Variants in PGF observed in about 807,000 individuals in gnomAD.
PGF encodes the protein placenta growth factor.
A neutral mutation model predicts 25.3 loss-of-function variants in PGF; 11 were observed. That is an observed-to-expected ratio of 0.43 (90% CI 0.27 to 0.72). PGF has a LOEUF of 0.72. PGF is among the 30% of genes least tolerant of loss of function. The pLI is 0.18. For synonymous variants in PGF, 105 were observed against 97.9 expected, an observed-to-expected ratio of 1.07 and a Z score of -0.43; for missense variants, 230 against 234.9, an observed-to-expected ratio of 0.98 and a Z score of 0.14.
chr14:74,942,730 G>A lies in PGF; in HGVS notation c.489C>T (p.Cys163=), dbSNP rs576817206. ...EKQRPTDCHL[C]GDAVPRR ...GTTACCTCCGGGGAACAGCATCGCC[G>A]CACCTGCCAGAGACCAAGCACAGAC... Residue 163 remains cysteine, a synonymous_variant, in exon 7 of 7, where the codon TGC becomes TGT. Transcript: ENST00000555567. 1.3e-5 allele frequency: 21 copies of A among 1,609,964 alleles called. No homozygotes were observed. The highest frequency in any genetic ancestry group is 1.7e-5 in the Admixed American group (1 of 59,246).
intron 4 of PGF, 126 bp from the exon 5 acceptor site, chr14:74,946,534 T>C: frequency 2.3e-6 from 2 of 870,448 alleles, no homozygotes; most frequent in South Asian, 1.7e-5. Context: ...CTGAGGCCAC[T>C]AGGGGGTAGC....
chr14:74,948,999 A>T (rs1487814269), intron 3 of PGF, among the ~76,000 whole-genome samples: 4 of 152,242 alleles, frequency 2.6e-5, no homozygotes, highest in African/African-American at 9.7e-5. Flanking sequence ...GGCATTACTC[A>T]GTAAGTGCTC....
In PGF at chr14:74,942,761, G is replaced by GGCA. The variant is rs759519751; in HGVS notation, c.486-29_486-28insTGC. On this transcript the variant is annotated intron_variant, in intron 6 of 6. Transcript: ENST00000555567. ...GCCAGAGACCAAGCACAGACGGGGC[G>GGCA]GGTATCAGCACACTGTGGAGGGTGC... The GGCA allele has an allele frequency of 1.7e-5, 28 of 1,604,024 alleles. No homozygotes were observed. In the African/African-American group the frequency reaches 3.8e-4, roughly 22 times the overall value.
intron 4 of PGF, chr14:74,946,921 G>A (rs1218643881): frequency 1.3e-6 from 1 of 741,272 alleles, no homozygotes; most frequent in East Asian, 2.5e-5. Flanking sequence ...CACCAGGCAT[G>A]TCTGGGCTCT....
At position 74,946,198 on chromosome 14, in the gene PGF, A is replaced by AC. The variant is rs1240141633; in HGVS notation, c.485+14dup. 1.9e-6 allele frequency: 3 copies of AC among 1,612,586 alleles called. No individual in the cohort carries two copies. Among genetic ancestry groups the AC allele is most frequent in the Non-Finnish European group, 2.5e-6 (3 of 1,178,944 alleles). ...GCCCAGCCTCCTCGCCATCCCTGGG[A>AC]CCCCGCACACTCACAGGTGGCAGTC... On this transcript the variant is annotated intron_variant, in intron 6 of 6. Transcript: ENST00000555567.
chr14:74,953,611 A>G lies in PGF; in HGVS notation c.118+293T>C, dbSNP rs1048659085. Among the ~76,000 whole-genome samples the G allele has an allele frequency of 4.0e-5, 6 of 151,844 alleles. No individual in the cohort carries two copies. The highest frequency in any genetic ancestry group is 1.9e-4 in the East Asian group (1 of 5,154). Reference sequence around the variant, plus strand: ...CACCCTGTCCTCCAAGACCCCATCCATACCCTTAAATCATGCTGGGGAAGG... The same window carrying G: ...CACCCTGTCCTCCAAGACCCCATCCGTACCCTTAAATCATGCTGGGGAAGG... On this transcript the variant is annotated intron_variant, in intron 2 of 6. Coordinates refer to ENST00000555567, the MANE Select transcript of PGF (RefSeq NM_002632.6). The surrounding 1 kb of genome is among the most constrained non-coding windows in gnomAD (Gnocchi z 5.4).
At position 74,941,914 on chromosome 14, in the gene PGF, AG is replaced by A. The variant is rs945772684; in HGVS notation, c.*791del. The A allele has an allele frequency of 6.6e-6, 1 of 152,580 alleles. No individual in the cohort carries two copies. The highest frequency in any genetic ancestry group is 2.4e-5 in the African/African-American group (1 of 41,382). The allele number at this position is 152,580 out of a possible 1,614,324, so 9.5% of individuals were successfully genotyped here. A position where few individuals can be genotyped will look rare whatever the true frequency, so the allele number is the denominator to read the frequency against. ...TGCAGGGACAGCTTGTGGGGGTGCCAGGGCCCTTGGGGAACCTGCTCCCCTG... is the reference window on the plus strand; with the variant it reads ...TGCAGGGACAGCTTGTGGGGGTGCCAGGCCCTTGGGGAACCTGCTCCCCTG... On this transcript the variant is annotated 3_prime_UTR_variant, in exon 7 of 7. Transcript: ENST00000555567.
Position 74,955,339 on chromosome 14 carries a change from G to T in PGF, c.-97C>A. ...ACAGGAGGAGAAGAGCTGAGTGGGGGGCTGGACGCCTCCCTCACTGCTGCC... is the reference window on the plus strand; with the variant it reads ...ACAGGAGGAGAAGAGCTGAGTGGGGTGCTGGACGCCTCCCTCACTGCTGCC... On this transcript the variant is annotated 5_prime_UTR_variant, in exon 1 of 7. Coordinates refer to ENST00000555567, the MANE Select transcript of PGF (RefSeq NM_002632.6). The surrounding 1 kb of genome is among the most constrained non-coding windows in gnomAD (Gnocchi z 4.1). 3.2e-6 allele frequency: 2 copies of T among 625,870 alleles called. No homozygotes were observed. Among genetic ancestry groups the T allele is most frequent in the Non-Finnish European group, 4.9e-6 (2 of 406,336 alleles). The allele number at this position is 625,870 out of a possible 1,614,324, so 38.8% of individuals were successfully genotyped here. A position where few individuals can be genotyped will look rare whatever the true frequency, so the allele number is the denominator to read the frequency against.
chr14:74,952,039 TGGCCCCCTCAG>T (rs931655232), intron 2 of PGF, among the ~76,000 whole-genome samples: 4 of 152,012 alleles, frequency 2.6e-5, no homozygotes, highest in African/African-American at 7.2e-5. Flanking sequence ...CGGGAAGCTG[TGGCCCCCTCAG>T]GGCCCCCTCA....
intron 2 of PGF, 45 bp from the exon 3 acceptor site, chr14:74,949,598 C>T (rs768612002): frequency 7.0e-7 from 1 of 1,425,128 alleles, no homozygotes; most frequent in Non-Finnish European, 9.3e-7. Context: ...AGAGACCTGC[C>T]CCTTGAAGCC....
At chr14:74,946,320 T>C (rs1566856747) in intron 5 of PGF, 45 bp from the exon 6 acceptor site, 4 of 1,614,046 alleles carry the variant, frequency 2.5e-6, no homozygotes, top group Non-Finnish European at 2.5e-6. Flanking sequence ...GGGAACCCCA[T>C]GCTAGGACAG....
chr14:74,943,089 C>T (rs1230151559), intron 6 of PGF, among the ~76,000 whole-genome samples: 2 of 152,168 alleles, frequency 1.3e-5, no homozygotes, highest in Non-Finnish European at 2.9e-5. Context: ...CACATTTGAA[C>T]CTAATCACAC....
chr14:74,949,420 G>C lies in PGF; in HGVS notation c.252C>G (p.Thr84=). ...GCAGATTCTCATCGCCGCAGCAGCCGGTGCAGCGCAGCAGGGAGACACAGG... is the reference window on the plus strand; with the variant it reads ...GCAGATTCTCATCGCCGCAGCAGCCCGTGCAGCGCAGCAGGGAGACACAGG... ...SPSCVSLLRC[T]GCCGDENLHC... Residue 84 remains threonine (T), a synonymous_variant, in exon 3 of 7, where the codon ACC becomes ACG. Coordinates refer to ENST00000555567, the MANE Select transcript of PGF (RefSeq NM_002632.6). The C allele has an allele frequency of 6.2e-7, 1 of 1,609,042 alleles. No homozygotes were observed.
rs376997249 is a variant in PGF at position 74,946,478 on chromosome 14, G to A, written c.393-70C>T. 69 of 1,473,086 alleles carry A rather than the reference G, an allele frequency of 4.7e-5. 1 individual carries two copies. Among genetic ancestry groups the A allele is most frequent in the South Asian group, 2.0e-4 (16 of 79,208 alleles). 91.3% of individuals were successfully genotyped at this position (1,473,086 alleles called of 1,614,324 possible). The stretch of plus-strand genomic sequence containing the variant: ...CAATAAGTGGGGCTCCCTGCCGCCC[G>A]GACAGGTCCCCTCCGACATCCCCAG... On this transcript the variant is annotated intron_variant, in intron 4 of 6. Coordinates refer to ENST00000555567, the MANE Select transcript of PGF (RefSeq NM_002632.6).
intron 2 of PGF, among the ~76,000 whole-genome samples, chr14:74,952,320 C>CA (rs1291358311): frequency 2.6e-5 from 4 of 152,228 alleles, no homozygotes; most frequent in Non-Finnish European, 5.9e-5. Flanking sequence ...GCAGGGCACA[C>CA]AGACAGCCTG....
Position 74,941,908 on chromosome 14 carries a change from G to A in PGF, c.*798C>T, listed in dbSNP as rs934888025. Reference sequence around the variant, plus strand: ...TGGCCCTGCAGGGACAGCTTGTGGGGGTGCCAGGGCCCTTGGGGAACCTGC... The same window carrying A: ...TGGCCCTGCAGGGACAGCTTGTGGGAGTGCCAGGGCCCTTGGGGAACCTGC... On this transcript the variant is annotated 3_prime_UTR_variant, in exon 7 of 7. Transcript: ENST00000555567. The A allele has an allele frequency of 5.9e-5, 9 of 152,642 alleles. No homozygotes were observed. Among genetic ancestry groups the A allele is most frequent in the Non-Finnish European group, 1.2e-4 (8 of 68,104 alleles). The allele number at this position is 152,642 out of a possible 1,614,324, so 9.5% of individuals were successfully genotyped here.
intron 4 of PGF, 75 bp from the exon 5 acceptor site, chr14:74,946,483 G>T: frequency 6.9e-7 from 1 of 1,441,638 alleles, no homozygotes; most frequent in Admixed American, 1.9e-5. Context: ...CGCCCGGACA[G>T]GTCCCCTCCG....
chr14:74,943,348 GA>G (rs1413357045), intron 6 of PGF, among the ~76,000 whole-genome samples: 1 of 152,054 alleles, frequency 6.6e-6, no homozygotes, highest in African/African-American at 2.4e-5. Context: ...CTGAGGACAT[GA>G]AAAAAAGAAC....
chr14:74,946,869 A>G (rs1888750907), intron 4 of PGF: 3 of 760,826 alleles, frequency 3.9e-6, no homozygotes, highest in African/African-American at 1.7e-5. Context: ...ATGGGGAGTG[A>G]GCGACGGGGT....
Sources: gnomAD v4.1 joint callset for allele counts (sites outside exome capture counted in the v4.1 genomes callset) on GRCh38, gnomAD v4.1.1 for gene constraint, Gnocchi (gnomAD v3.1) non-coding constraint, MANE v1.5 for transcripts, NCBI Gene and HGNC (gene_info 2026-07-23, HGNC 2026-07-21) for gene names.